The following PPP1R9A variants were observed in gnomAD, a reference collection of about 807,000 sequenced individuals.
The protein encoded by PPP1R9A is protein phosphatase 1 regulatory subunit 9A, also known as neurabin-1.
In PPP1R9A, 59 loss-of-function variants were observed where a neutral mutation model predicts 141.9. That is an observed-to-expected ratio of 0.42 (90% CI 0.34 to 0.52). The LOEUF (loss-of-function observed/expected upper bound fraction) is 0.52, where lower values mean the gene tolerates loss of function less well. PPP1R9A is among the 20% of genes least tolerant of loss of function. The pLI is 0.10. For missense variants in PPP1R9A, 1,444 were observed against 1,611.9 expected, an observed-to-expected ratio of 0.90 and a Z score of 1.78; for synonymous variants, 500 against 569.7, an observed-to-expected ratio of 0.88 and a Z score of 1.74.
intron 5 of PPP1R9A, among the ~76,000 whole-genome samples, chr7:95,187,141 G>A (rs1349754315): frequency 1.3e-5 from 2 of 151,920 alleles, no homozygotes; most frequent in African/African-American, 4.8e-5. Flanking sequence ...TTCTGGTCCT[G>A]GACTTTTGTT....
chr7:94,923,304 C>T (rs1214254151), intron 2 of PPP1R9A, among the ~76,000 whole-genome samples: 2 of 152,092 alleles, frequency 1.3e-5, no homozygotes, highest in Admixed American at 6.5e-5. Flanking sequence ...TGAAGTGAAA[C>T]ATATTTTAAT....
chr7:95,279,147 G>A (rs1310027630), intron 16 of PPP1R9A, among the ~76,000 whole-genome samples: 1 of 152,186 alleles, frequency 6.6e-6, no homozygotes. Flanking sequence ...GAATGAATGG[G>A]CTATATGGAT....
chr7:95,228,070 A>G (rs1795389221), intron 8 of PPP1R9A, among the ~76,000 whole-genome samples: 1 of 152,142 alleles, frequency 6.6e-6, no homozygotes, highest in African/African-American at 2.4e-5. Context: ...AGGATCATCC[A>G]CAAAACTTGG....
intron 4 of PPP1R9A, among the ~76,000 whole-genome samples, chr7:95,157,200 A>G (rs1415323353): frequency 2.0e-5 from 3 of 152,150 alleles, no homozygotes; most frequent in African/African-American, 7.2e-5. Flanking sequence ...GAAGCCAAGC[A>G]GCGGGAGCAG....
At chr7:95,016,155 T>C (rs769237693) in intron 2 of PPP1R9A, among the ~76,000 whole-genome samples, 2 of 151,998 alleles carry the variant, frequency 1.3e-5, no homozygotes, top group African/African-American at 2.4e-5. Flanking sequence ...AAATTACTTA[T>C]CATATACAAT....
chr7:95,121,567 A>G (rs769662139), intron 4 of PPP1R9A, among the ~76,000 whole-genome samples: 2 of 152,102 alleles, frequency 1.3e-5, no homozygotes, highest in Non-Finnish European at 2.9e-5. Flanking sequence ...GGTTGAGGCT[A>G]GAAGCAGAAG....
chr7:95,220,419 C>T (rs906736607), intron 7 of PPP1R9A, among the ~76,000 whole-genome samples: 2 of 151,996 alleles, frequency 1.3e-5, no homozygotes, highest in African/African-American at 4.8e-5. Context: ...CTGAATTTAC[C>T]AGAGCAAACA....
chr7:95,263,428 C>CTGT (rs796429608), intron 12 of PPP1R9A, among the ~76,000 whole-genome samples: 41 of 43,836 alleles, frequency 9.4e-4, no homozygotes, highest in African/African-American at 1.9e-3. Context: ...GTTGTTGTTG[C>CTGT]TGTTGTTGTT....
intron 4 of PPP1R9A, among the ~76,000 whole-genome samples, chr7:95,158,426 A>G (rs1829966151): frequency 6.6e-6 from 1 of 152,200 alleles, no homozygotes; most frequent in African/African-American, 2.4e-5. Flanking sequence ...ATGCCAAGGC[A>G]GGAGGATCAC....
chr7:94,946,220 G>T (rs73423084), intron 2 of PPP1R9A, among the ~76,000 whole-genome samples: 3,733 of 152,042 alleles, frequency 0.025, 171 homozygotes, highest in African/African-American at 0.086. Flanking sequence ...CTCTAAAATG[G>T]GGAATAGATA....
chr7:94,929,557 G>C (rs1385022771), intron 2 of PPP1R9A, among the ~76,000 whole-genome samples: 1 of 152,170 alleles, frequency 6.6e-6, no homozygotes, highest in East Asian at 1.9e-4. Flanking sequence ...ACATGGTAAG[G>C]CATGTACCAC....
intron 12 of PPP1R9A, among the ~76,000 whole-genome samples, chr7:95,258,796 G>T (rs1411094041): frequency 6.6e-6 from 1 of 152,094 alleles, no homozygotes; most frequent in African/African-American, 2.4e-5. Flanking sequence ...CAAAGATAAA[G>T]TGTCACAGTA....
chr7:94,911,424 G>A lies in PPP1R9A; in HGVS notation c.1311G>A (p.Met437Ile), dbSNP rs1437623312. The A allele has an allele frequency of 1.2e-6, 2 of 1,613,848 alleles. No individual in the cohort carries two copies. Among genetic ancestry groups the A allele is most frequent in the Non-Finnish European group, 1.7e-6 (2 of 1,179,792 alleles). Residue 437 changes from methionine (M) to isoleucine (I), a missense_variant, in exon 2 of 20, where the codon ATG becomes ATA. By Grantham distance (10) the Met-to-Ile change is conservative. This residue lies in a region of PPP1R9A where 490 missense variants were observed against 521.1 expected (regional missense o/e 0.94). Transcript: ENST00000433360. ...AGAACAGTTACTATCAGCCTGATAT[G>A]GAGTACTCGGAAATTGTTGGATTGC... ...SDENSYYQPD[M>I]EYSEIVGLPE...
Position 95,185,555 on chromosome 7 carries a change from T to C in PPP1R9A, c.1755-12794T>C, listed in dbSNP as rs145131164. ...TAATTAGGTCCCATCTATTTACCTTTGTTTTTGTTGCATTTGCTTTTGGAT... is the reference window on the plus strand; with the variant it reads ...TAATTAGGTCCCATCTATTTACCTTCGTTTTTGTTGCATTTGCTTTTGGAT... On this transcript the variant is annotated intron_variant, in intron 5 of 19. Transcript: ENST00000433360. Among the ~76,000 whole-genome samples the C allele has an allele frequency of 8.7e-3, 1,321 of 152,240 alleles. 11 individuals carry two copies. The highest frequency in any genetic ancestry group is 0.016 in the African/African-American group (660 of 41,554).
chr7:95,140,321 C>T (rs1826425716), intron 4 of PPP1R9A, among the ~76,000 whole-genome samples: 1 of 152,182 alleles, frequency 6.6e-6, no homozygotes, highest in Non-Finnish European at 1.5e-5. Context: ...GGCATATATA[C>T]AGTATTCTAG....
chr7:95,066,510 T>C (rs997041656), intron 2 of PPP1R9A, among the ~76,000 whole-genome samples: 10 of 152,074 alleles, frequency 6.6e-5, no homozygotes, highest in African/African-American at 1.9e-4. Context: ...TTTAAAAATA[T>C]TATAATTAAT....
rs183796096 is a variant in PPP1R9A at position 95,233,256 on chromosome 7, A to G, written c.2112+7140A>G. 1.1e-3 allele frequency among the ~76,000 whole-genome samples: 170 copies of G among 152,252 alleles called. 2 individuals are homozygous for G. In the East Asian group the frequency reaches 0.012, roughly 11 times the overall value. On this transcript the variant is annotated intron_variant, in intron 8 of 19. Transcript: ENST00000433360. ...AAGCTGGAAACCATCATTCTCAGCA[A>G]ACTAACACAGGAACAGAAAACCAAA... is the stretch of plus-strand genomic sequence containing the variant.
intron 3 of PPP1R9A, among the ~76,000 whole-genome samples, chr7:95,117,520 T>C (rs1479875461): frequency 6.6e-6 from 1 of 152,120 alleles, no homozygotes; most frequent in East Asian, 1.9e-4. Context: ...GCTCTGCAAA[T>C]CTGAGTAATT....
At chr7:95,083,493 A>G (rs949450637) in intron 2 of PPP1R9A, among the ~76,000 whole-genome samples, 4 of 151,790 alleles carry the variant, frequency 2.6e-5, no homozygotes, top group South Asian at 2.1e-4. Context: ...TGTTTCCTCA[A>G]CTTCCAAGGT....
Sources: gnomAD v4.1 joint callset for allele counts (sites outside exome capture counted in the v4.1 genomes callset) on GRCh38, gnomAD v4.1.1 for gene constraint, gnomAD v4.1.1 regional missense constraint, MANE v1.5 for transcripts, NCBI Gene and HGNC (gene_info 2026-07-23, HGNC 2026-07-21) for gene names.